AGBL1: variants seen among roughly 807,000 people sequenced by gnomAD.
The protein encoded by AGBL1 is cytosolic carboxypeptidase 4.
A neutral mutation model predicts 118.9 loss-of-function variants in AGBL1; 130 were observed. The observed-to-expected ratio is 1.09, with a 90% CI of 0.95 to 1.26. The LOEUF (loss-of-function observed/expected upper bound fraction) is 1.26. Among genes scored for constraint, AGBL1 ranks in the 50% most tolerant of loss-of-function variants. AGBL1 has a pLI of 0.00. For missense variants in AGBL1, 1,584 were observed against 1,298.1 expected (o/e 1.22, Z -3.38); for synonymous variants, 555 against 478.9 (o/e 1.16, Z -2.08).
rs1898084177 is a variant in AGBL1, at chr15:86,121,353, A to G, written c.52-20651A>G. ...TTTTCTGTGCCAAAAATATACACCAATGTGGGTTATTTTTAAAATGAATTT... is the reference window on the plus strand; with the variant it reads ...TTTTCTGTGCCAAAAATATACACCAGTGTGGGTTATTTTTAAAATGAATTT... On this transcript the variant is annotated intron_variant, in intron 1 of 22. Transcript: ENST00000614907. 2.0e-5 allele frequency among the ~76,000 whole-genome samples: 3 copies of G among 152,226 alleles called. No individual in the cohort carries two copies. In the South Asian group the frequency reaches 6.2e-4, roughly 31 times the overall value.
At chr15:86,851,127 C>T (rs2079401814) in intron 22 of AGBL1, among the ~76,000 whole-genome samples, 1 of 152,170 alleles carries the variant, frequency 6.6e-6, no homozygotes, top group Non-Finnish European at 1.5e-5. Context: ...ATCACTTGCT[C>T]TTATCCCTTC....
chr15:86,491,312 A>G (rs2142142215), intron 18 of AGBL1, among the ~76,000 whole-genome samples: 1 of 152,246 alleles, frequency 6.6e-6, no homozygotes, highest in African/African-American at 2.4e-5. Flanking sequence ...AATGTTTGGC[A>G]GTATTTGGTC....
intron 22 of AGBL1, among the ~76,000 whole-genome samples, chr15:86,784,895 T>G (rs188084980): frequency 4.6e-5 from 7 of 152,260 alleles, no homozygotes; most frequent in Admixed American, 4.6e-4. Flanking sequence ...TCTTTGCAAC[T>G]TTTCTATAAA....
intron 18 of AGBL1, among the ~76,000 whole-genome samples, chr15:86,481,891 T>C (rs988933937): frequency 1.3e-5 from 2 of 152,110 alleles, no homozygotes; most frequent in African/African-American, 4.8e-5. Context: ...GGTTGTGTTT[T>C]ACTCAAATGA....
rs1315956876 is a variant in AGBL1 at position 86,469,548 on chromosome 15, G to A, written c.2556-53262G>A. Among the ~76,000 whole-genome samples, 3 of 152,130 alleles carry A rather than the reference G, an allele frequency of 2.0e-5. No homozygotes were observed. In the East Asian group the frequency reaches 5.8e-4, roughly 29 times the overall value. On this transcript the variant is annotated intron_variant, in intron 18 of 22. Transcript: ENST00000614907. ...AGTAGTGCTGTACTGAATATGGGAG[G>A]GCAGAGATCTCTTGGACATACTGAT...
chr15:86,967,022 C>G (rs2081061880), intron 23 of AGBL1, among the ~76,000 whole-genome samples: 1 of 152,150 alleles, frequency 6.6e-6, no homozygotes. Context: ...GCCATTTTAA[C>G]TGGTGTGAGA....
intron 18 of AGBL1, among the ~76,000 whole-genome samples, chr15:86,465,234 T>C (rs2082387621): frequency 6.6e-6 from 1 of 152,194 alleles, no homozygotes; most frequent in Non-Finnish European, 1.5e-5. Context: ...TTTATGGACA[T>C]TTATCACTTC....
chr15:86,480,304 T>C (rs553525168), intron 18 of AGBL1, among the ~76,000 whole-genome samples: 1 of 152,312 alleles, frequency 6.6e-6, no homozygotes, highest in African/African-American at 2.4e-5. Flanking sequence ...CATCTATATG[T>C]ATCCCATAAC....
chr15:86,329,537 C>T (rs1015843812), intron 17 of AGBL1, among the ~76,000 whole-genome samples: 2 of 152,186 alleles, frequency 1.3e-5, no homozygotes, highest in African/African-American at 4.8e-5. Flanking sequence ...GTAGCAAAGC[C>T]CTCTCCACTT....
At chr15:86,372,654 G>T (rs926907701) in intron 17 of AGBL1, among the ~76,000 whole-genome samples, 1 of 152,128 alleles carries the variant, frequency 6.6e-6, no homozygotes, top group Non-Finnish European at 1.5e-5. Context: ...TCTTATGGTC[G>T]TAGTTTTCCT....
intron 22 of AGBL1, among the ~76,000 whole-genome samples, chr15:86,836,388 G>A (rs1048835365): frequency 6.6e-6 from 1 of 152,108 alleles, no homozygotes; most frequent in African/African-American, 2.4e-5. Flanking sequence ...AGAGGTATTA[G>A]CGTACCAATT....
At chr15:86,716,878 C>G (rs2086647066) in intron 22 of AGBL1, among the ~76,000 whole-genome samples, 1 of 152,228 alleles carries the variant, frequency 6.6e-6, no homozygotes, top group African/African-American at 2.4e-5. Flanking sequence ...TAAGGGCCTA[C>G]TGGAACCCTT....
At chr15:86,822,010 G>A (rs536205028) in intron 22 of AGBL1, among the ~76,000 whole-genome samples, 1 of 152,270 alleles carries the variant, frequency 6.6e-6, no homozygotes, top group African/African-American at 2.4e-5. Context: ...GAGAGATACA[G>A]TGCCACAGTA....
intron 21 of AGBL1, among the ~76,000 whole-genome samples, chr15:86,555,131 T>A (rs76580790): frequency 0.035 from 5,355 of 152,324 alleles, 140 homozygotes; most frequent in Non-Finnish European, 0.054. Context: ...TACAGCTATA[T>A]TAACTGCATG....
chr15:86,350,803 A>T (rs1373043861), intron 17 of AGBL1, among the ~76,000 whole-genome samples: 1 of 152,226 alleles, frequency 6.6e-6, no homozygotes, highest in African/African-American at 2.4e-5. Context: ...GCCTCTTGTT[A>T]TGCTCCTGTT....
At chr15:86,616,831 A>T (rs2084734212) in intron 21 of AGBL1, among the ~76,000 whole-genome samples, 1 of 152,224 alleles carries the variant, frequency 6.6e-6, no homozygotes, top group Non-Finnish European at 1.5e-5. Context: ...AGTTGACTCA[A>T]AAAGAAGAAA....
intron 22 of AGBL1, among the ~76,000 whole-genome samples, chr15:86,896,011 T>C (rs1228522382): frequency 6.6e-6 from 1 of 152,134 alleles, no homozygotes; most frequent in Non-Finnish European, 1.5e-5. Context: ...TAAAAATTCC[T>C]TCTTGTTTCT....
At chr15:86,744,559 C>T (rs900968405) in intron 22 of AGBL1, among the ~76,000 whole-genome samples, 2 of 152,050 alleles carry the variant, frequency 1.3e-5, no homozygotes, top group Admixed American at 6.6e-5. Flanking sequence ...CCATCAATTC[C>T]GAAAGCAAAG....
chr15:86,208,079 A>G (rs2078024919), intron 5 of AGBL1, among the ~76,000 whole-genome samples: 1 of 152,090 alleles, frequency 6.6e-6, no homozygotes, highest in Non-Finnish European at 1.5e-5. Context: ...TGAGATAATC[A>G]TGAGGTTTTT....
Sources: gnomAD v4.1 joint callset for allele counts (sites outside exome capture counted in the v4.1 genomes callset) on GRCh38, gnomAD v4.1.1 for gene constraint, MANE v1.5 for transcripts, NCBI Gene and HGNC (gene_info 2026-07-23, HGNC 2026-07-21) for gene names.